The following APLF variants were observed in gnomAD, a reference collection of about 807,000 sequenced individuals.
The protein encoded by APLF is aprataxin and PNK-like factor.
Under a neutral mutation model 55.6 loss-of-function variants are expected in APLF, and 61 were observed. The ratio of observed to expected loss-of-function variants is 1.10; its 90% confidence interval spans 0.89 to 1.36. The LOEUF (loss-of-function observed/expected upper bound fraction) is 1.36, where lower values mean the gene tolerates loss of function less well. APLF is among the 40% of genes most tolerant of loss of function. APLF has a pLI of 0.00. For synonymous variants in APLF, 207 were observed against 214.8 expected, an observed-to-expected ratio of 0.96 and a Z score of 0.32; for missense variants, 611 against 602.5, an observed-to-expected ratio of 1.01 and a Z score of -0.15.
intron 8 of APLF, among the ~76,000 whole-genome samples, chr2:68,546,601 T>G (rs1043136671): frequency 4.0e-5 from 6 of 151,846 alleles, no homozygotes; most frequent in African/African-American, 1.4e-4. Flanking sequence ...GAATGCATGT[T>G]TTAATGTTAA....
At chr2:68,525,533 G>C (rs1316758030) in intron 5 of APLF, among the ~76,000 whole-genome samples, 1 of 151,996 alleles carries the variant, frequency 6.6e-6, no homozygotes, top group Non-Finnish European at 1.5e-5. Flanking sequence ...TCCAGATGAT[G>C]AAACCAAAGT....
At position 68,577,840 on chromosome 2, in the gene APLF, G is replaced by C; in HGVS notation, c.1354G>C (p.Asp452His). The C allele has an allele frequency of 6.2e-7, 1 of 1,613,266 alleles. No homozygotes were observed. The highest frequency in any genetic ancestry group is 8.5e-7 in the Non-Finnish European group (1 of 1,179,526). ...TLPVRNVLDE[D>H]NDNVGQPNEY... The stretch of plus-strand genomic sequence containing the variant: ...TGCAGTGAGAAATGTTTTAGATGAA[G>C]ATAATGATAATGTTGGGCAACCCAA... Residue 452 changes from aspartate to histidine, a missense_variant, in exon 10 of 10, where the codon GAT becomes CAT. Physicochemically the swap from Asp to His is moderately conservative, Grantham distance 81. Coordinates refer to ENST00000303795, the MANE Select transcript of APLF (RefSeq NM_173545.3).
At chr2:68,518,257 A>T (rs1175559390) in intron 5 of APLF, among the ~76,000 whole-genome samples, 1 of 118,496 alleles carries the variant, frequency 8.4e-6, no homozygotes, top group African/African-American at 3.4e-5. Flanking sequence ...TTAATATATT[A>T]TGAATAGATA....
At chr2:68,470,833 G>T (rs1043527455) in intron 1 of APLF, among the ~76,000 whole-genome samples, 11 of 152,172 alleles carry the variant, frequency 7.2e-5, no homozygotes, top group African/African-American at 2.4e-4. Flanking sequence ...TCAGTTGGGG[G>T]AACAGGGAAG....
chr2:68,574,975 G>A (rs13411894), intron 9 of APLF, among the ~76,000 whole-genome samples: 16,201 of 152,182 alleles, frequency 0.11, 1,111 homozygotes, highest in African/African-American at 0.19. Context: ...CATGTTAAGC[G>A]CTGTTGTCTG....
intron 9 of APLF, among the ~76,000 whole-genome samples, chr2:68,572,693 C>T (rs1336357543): frequency 6.6e-6 from 1 of 151,968 alleles, no homozygotes; most frequent in Non-Finnish European, 1.5e-5. Flanking sequence ...AAAAATTAAC[C>T]AGTTGTGGTG....
Position 68,513,541 on chromosome 2 carries a change from T to G in APLF, c.490-7T>G, listed in dbSNP as rs766121942. The G allele has an allele frequency of 9.9e-6, 16 of 1,608,646 alleles. No homozygotes were observed. In the Middle Eastern group the frequency reaches 1.5e-3, roughly 150 times the overall value. On this transcript the variant is annotated splice_region_variant and splice_polypyrimidine_tract_variant and intron_variant, in intron 4 of 9. Transcript: ENST00000303795. The stretch of plus-strand genomic sequence containing the variant: ...TTATTTTTAGTAATTTATAGGTGTC[T>G]TTTTAGTCTTTCCTAGGTGAAAATA...
At chr2:68,493,836 CG>C (rs961606540) in intron 2 of APLF, among the ~76,000 whole-genome samples, 10 of 151,442 alleles carry the variant, frequency 6.6e-5, no homozygotes, top group Admixed American at 5.3e-4. Flanking sequence ...TGGCCAGGCG[CG>C]GTGGCTCACG....
intron 1 of APLF, among the ~76,000 whole-genome samples, chr2:68,477,507 G>T (rs1025090631): frequency 6.6e-6 from 1 of 152,070 alleles, no homozygotes; most frequent in African/African-American, 2.4e-5. Flanking sequence ...TAGGCATGGT[G>T]GTACATGCCT....
chr2:68,491,659 A>C (rs1271845048), intron 2 of APLF, among the ~76,000 whole-genome samples: 1 of 152,212 alleles, frequency 6.6e-6, no homozygotes, highest in African/African-American at 2.4e-5. Flanking sequence ...TAGGGAGTGC[A>C]GTGCAGTTTT....
At chr2:68,470,131 C>T (rs981176431) in intron 1 of APLF, among the ~76,000 whole-genome samples, 1 of 152,152 alleles carries the variant, frequency 6.6e-6, no homozygotes, top group Non-Finnish European at 1.5e-5. Flanking sequence ...TGATTCTGCT[C>T]CATGATTGGC....
At chr2:68,510,936 G>A (rs1677031647) in intron 3 of APLF, among the ~76,000 whole-genome samples, 2 of 151,830 alleles carry the variant, frequency 1.3e-5, no homozygotes, top group Non-Finnish European at 1.5e-5. Context: ...ACCACATACT[G>A]TATTTCATTT....
In APLF at chr2:68,526,308, A is replaced by G. The variant is rs926032857; in HGVS notation, c.804+66A>G. 42 of 1,516,552 alleles carry G rather than the reference A, an allele frequency of 2.8e-5. No individual in the cohort carries two copies. In the Admixed American group the frequency reaches 7.6e-4, roughly 28 times the overall value. The allele number at this position is 1,516,552 out of a possible 1,614,324, so 93.9% of individuals were successfully genotyped here. A position where few individuals can be genotyped will look rare whatever the true frequency, so the allele number is the denominator to read the frequency against. On this transcript the variant is annotated intron_variant, in intron 6 of 9. Transcript: ENST00000303795. ...GGTGTTTTAGATAGAAATTAATCATATGCTATATAAAGAGAAATCAAAACT... is the reference window on the plus strand; with the variant it reads ...GGTGTTTTAGATAGAAATTAATCATGTGCTATATAAAGAGAAATCAAAACT...
chr2:68,510,101 G>A (rs1677000117), intron 3 of APLF, among the ~76,000 whole-genome samples: 1 of 150,638 alleles, frequency 6.6e-6, no homozygotes, highest in Admixed American at 6.6e-5. Flanking sequence ...ATAGCATTAG[G>A]AGATACACCT....
Position 68,529,272 on chromosome 2 carries a change from G to C in APLF, c.804+3030G>C. ...CCGTCCCACCTGCCTGGAAAAGAAGGCCCAAGATGTCGCTGACGGTTGAAG... is the reference window on the plus strand; with the variant it reads ...CCGTCCCACCTGCCTGGAAAAGAAGCCCCAAGATGTCGCTGACGGTTGAAG... On this transcript the variant is annotated intron_variant, in intron 6 of 9. Transcript: ENST00000303795. This position sits in a 1 kb window ranked among gnomAD's most constrained non-coding sequence, Gnocchi z 4.4. 3.7e-6 allele frequency: 5 copies of C among 1,334,946 alleles called. No individual in the cohort carries two copies. The highest frequency in any genetic ancestry group is 3.9e-6 in the Non-Finnish European group (4 of 1,016,884). The allele number at this position is 1,334,946 out of a possible 1,614,324, so 82.7% of individuals were successfully genotyped here.
intron 5 of APLF, among the ~76,000 whole-genome samples, chr2:68,518,273 T>A (rs1216900805): frequency 8.6e-6 from 1 of 116,306 alleles, no homozygotes; most frequent in Non-Finnish European, 1.6e-5. Context: ...AGATAATATA[T>A]CAGTATATAA....
intron 1 of APLF, among the ~76,000 whole-genome samples, chr2:68,472,825 C>T (rs576002468): frequency 1.5e-4 from 23 of 152,230 alleles, no homozygotes; most frequent in African/African-American, 5.5e-4. Context: ...CTTTTACAAA[C>T]ATTGTTTTTT....
intron 8 of APLF, among the ~76,000 whole-genome samples, chr2:68,554,365 C>G (rs1055047954): frequency 6.6e-6 from 1 of 151,890 alleles, no homozygotes; most frequent in African/African-American, 2.4e-5. Context: ...ACTTGTTATA[C>G]TTTTTTAAAT....
At chr2:68,504,903 T>C (rs1027880099) in intron 3 of APLF, among the ~76,000 whole-genome samples, 1 of 152,092 alleles carries the variant, frequency 6.6e-6, no homozygotes, top group Non-Finnish European at 1.5e-5. Context: ...GATTGACTAG[T>C]AAGAAGCTAC....
Sources: gnomAD v4.1 joint callset for allele counts (sites outside exome capture counted in the v4.1 genomes callset) on GRCh38, gnomAD v4.1.1 for gene constraint, Gnocchi (gnomAD v3.1) non-coding constraint, MANE v1.5 for transcripts, NCBI Gene and HGNC (gene_info 2026-07-23, HGNC 2026-07-21) for gene names.